The following DLGAP2 variants were observed in gnomAD, a reference collection of about 807,000 sequenced individuals.
DLGAP2 encodes the protein DLG associated protein 2.
In DLGAP2, 26 loss-of-function variants were observed where a neutral mutation model predicts 100.3. That is an observed-to-expected ratio of 0.26 (90% confidence interval 0.19 to 0.36). The LOEUF is 0.36. Ranked by LOEUF, DLGAP2 falls within the 10% of genes least tolerant of loss-of-function variation. The probability of loss-of-function intolerance (pLI) is 1.00; values close to 1 mark genes in which losing one functional copy is unlikely to be tolerated. For missense variants in DLGAP2, 1,858 were observed against 1,453.2 expected (o/e 1.28, Z -4.53); for synonymous variants, 886 against 630.1 (o/e 1.41, Z -6.08).
chr8:1,640,033 G>T (rs140397024), intron 8 of DLGAP2, among the ~76,000 whole-genome samples: 1 of 152,202 alleles, frequency 6.6e-6, no homozygotes, highest in African/African-American at 2.4e-5. Flanking sequence ...TTGGAGGGGC[G>T]TTATTCTGTT....
chr8:1,232,942 C>G (rs1798568268), intron 2 of DLGAP2, among the ~76,000 whole-genome samples: 1 of 152,160 alleles, frequency 6.6e-6, no homozygotes, highest in African/African-American at 2.4e-5. Context: ...AGGCCCACCC[C>G]CTGCCCAGCC....
At chr8:1,043,933 G>T (rs186801546) in intron 2 of DLGAP2, among the ~76,000 whole-genome samples, 1 of 146,946 alleles carries the variant, frequency 6.8e-6, no homozygotes, top group East Asian at 1.9e-4. Context: ...ATCTCAGCTG[G>T]GGTGCAGTTG....
chr8:1,138,047 T>C (rs186319876), intron 2 of DLGAP2, among the ~76,000 whole-genome samples: 12 of 152,304 alleles, frequency 7.9e-5, no homozygotes, highest in African/African-American at 2.9e-4. Flanking sequence ...CCTCTCTCGA[T>C]GGAAGCTTTT....
At chr8:911,684 T>C (rs1348461958) in intron 2 of DLGAP2, among the ~76,000 whole-genome samples, 2 of 151,450 alleles carry the variant, frequency 1.3e-5, no homozygotes, top group Non-Finnish European at 2.9e-5. Flanking sequence ...ATATAATGTA[T>C]GTTGGAAGGA....
At chr8:1,392,840 G>T (rs558779837) in intron 3 of DLGAP2, among the ~76,000 whole-genome samples, 2 of 149,700 alleles carry the variant, frequency 1.3e-5, no homozygotes, top group Admixed American at 1.3e-4. Context: ...CAAAGTGAAT[G>T]TATGTGTGTT....
At chr8:1,011,300 T>A (rs779996303) in intron 2 of DLGAP2, among the ~76,000 whole-genome samples, 7 of 140,744 alleles carry the variant, frequency 5.0e-5, no homozygotes, top group Non-Finnish European at 9.2e-5. Context: ...GAATGGGGGG[T>A]CTCAGTCTGC....
chr8:1,108,140 G>A (rs935955624), intron 2 of DLGAP2, among the ~76,000 whole-genome samples: 1 of 152,002 alleles, frequency 6.6e-6, no homozygotes, highest in Admixed American at 6.6e-5. Flanking sequence ...CGCAGAAGTG[G>A]AGATCTTAGG....
At position 1,655,358 on chromosome 8, in the gene DLGAP2, G is replaced by A. The variant is rs75977902; in HGVS notation, c.1811-12971G>A. Among the ~76,000 whole-genome samples the A allele has an allele frequency of 7.1e-3, 1,076 of 152,310 alleles. 15 individuals are homozygous for A. The highest frequency in any genetic ancestry group is 0.024 in the African/African-American group (1,015 of 41,554). On this transcript the variant is annotated intron_variant, in intron 8 of 14. Transcript: ENST00000637795. Reference sequence around the variant, plus strand: ...TCAGACAGTCATGGGCTTGATGACTGTAATTCCTTTTATGCTATCATCCTT... The same window carrying A: ...TCAGACAGTCATGGGCTTGATGACTATAATTCCTTTTATGCTATCATCCTT...
At chr8:846,263 T>A (rs1462727804) in intron 1 of DLGAP2, among the ~76,000 whole-genome samples, 2 of 152,222 alleles carry the variant, frequency 1.3e-5, no homozygotes, top group African/African-American at 4.8e-5. Flanking sequence ...AGCTTTGTGC[T>A]ATTGACCTTC....
chr8:1,200,375 G>C (rs1016191830), intron 2 of DLGAP2, among the ~76,000 whole-genome samples: 3 of 152,196 alleles, frequency 2.0e-5, no homozygotes, highest in Non-Finnish European at 4.4e-5. Flanking sequence ...TGTTAAAACT[G>C]TGCTTTCCGA....
rs1254944996 is a variant in DLGAP2 at position 1,539,041 on chromosome 8, ACGCCTG to A, written c.173-9584_173-9579del. On this transcript the variant is annotated intron_variant, in intron 4 of 14. Transcript: ENST00000637795. ...GCTGGGATTACAGGTGCACACCACC[ACGCCTG>A]ACTAATTTTTGTATTTTTAGTAGAG... 1.6e-4 allele frequency among the ~76,000 whole-genome samples: 24 copies of A among 152,084 alleles called. 1 individual carries two copies. The highest frequency in any genetic ancestry group is 1.3e-3 in the Admixed American group (20 of 15,284).
intron 8 of DLGAP2, among the ~76,000 whole-genome samples, chr8:1,635,996 G>A (rs933332343): frequency 6.6e-6 from 1 of 152,164 alleles, no homozygotes; most frequent in African/African-American, 2.4e-5. Context: ...GGCGGTGTGA[G>A]CCACGCATAT....
chr8:1,089,249 A>G (rs1211658756), intron 2 of DLGAP2, among the ~76,000 whole-genome samples: 1 of 152,256 alleles, frequency 6.6e-6, no homozygotes, highest in African/African-American at 2.4e-5. Flanking sequence ...GAAAGTAACA[A>G]ATCTCTTAGG....
intron 3 of DLGAP2, among the ~76,000 whole-genome samples, chr8:1,379,906 C>T (rs978771231): frequency 2.8e-5 from 4 of 145,240 alleles, no homozygotes; most frequent in African/African-American, 1.0e-4. Flanking sequence ...CCCTCCTGCT[C>T]GGTGGGGGCC....
intron 6 of DLGAP2, among the ~76,000 whole-genome samples, chr8:1,572,306 G>T (rs1183686079): frequency 7.7e-6 from 1 of 129,506 alleles, no homozygotes; most frequent in Non-Finnish European, 1.6e-5. Flanking sequence ...CATCTGATGA[G>T]ATGGAGAGGA....
At chr8:1,310,635 A>G (rs1259383774) in intron 3 of DLGAP2, among the ~76,000 whole-genome samples, 2 of 152,066 alleles carry the variant, frequency 1.3e-5, no homozygotes, top group African/African-American at 2.4e-5. Flanking sequence ...CTAAAATCAT[A>G]AAAAGTTGGG....
At chr8:1,660,791 C>T (rs1055420217) in intron 8 of DLGAP2, among the ~76,000 whole-genome samples, 2 of 152,226 alleles carry the variant, frequency 1.3e-5, no homozygotes, top group African/African-American at 4.8e-5. Flanking sequence ...GGTTGGTAAA[C>T]CCTCAGATGA....
chr8:1,707,957 T>C lies in DLGAP2; in HGVS notation c.*6551T>C, dbSNP rs1799749338. The C allele has an allele frequency of 6.6e-6, 1 of 152,670 alleles. No homozygotes were observed. The highest frequency in any genetic ancestry group is 1.5e-5 in the Non-Finnish European group (1 of 68,050). The allele number at this position is 152,670 out of a possible 1,614,324, so 9.5% of individuals were successfully genotyped here. A position where few individuals can be genotyped will look rare whatever the true frequency, so the allele number is the denominator to read the frequency against. ...ATTTAGTAGCATGCAGGATACCTAATCTGAATGTGCAATATGCTATTCATC... is the reference window on the plus strand; with the variant it reads ...ATTTAGTAGCATGCAGGATACCTAACCTGAATGTGCAATATGCTATTCATC... On this transcript the variant is annotated 3_prime_UTR_variant, in exon 15 of 15. Transcript: ENST00000637795.
intron 4 of DLGAP2, among the ~76,000 whole-genome samples, chr8:1,536,500 C>A (rs902479178): frequency 4.6e-5 from 7 of 152,126 alleles, no homozygotes; most frequent in African/African-American, 1.7e-4. Flanking sequence ...CTTCCTTTTT[C>A]CATTCGGTAA....
Sources: allele counts gnomAD v4.1 joint callset (sites outside exome capture counted in the v4.1 genomes callset), GRCh38; gene constraint gnomAD v4.1.1; transcripts MANE v1.5; gene names NCBI Gene and HGNC (gene_info 2026-07-23, HGNC 2026-07-21).